SATL1: variants seen among roughly 807,000 people sequenced by gnomAD.
SATL1 encodes spermidine/spermine N(1)-acetyltransferase-like protein 1.
A neutral mutation model predicts 51.8 loss-of-function variants in SATL1; 47 were observed. The ratio of observed to expected loss-of-function variants is 0.91; its 90% CI spans 0.72 to 1.16. The LOEUF (loss-of-function observed/expected upper bound fraction) is 1.16, where lower values mean the gene tolerates loss of function less well. Among genes scored for constraint, SATL1 ranks in the 50% most tolerant of loss-of-function variants. The probability of loss-of-function intolerance (pLI) is 0.00; values close to 1 mark genes in which losing one functional copy is unlikely to be tolerated. For missense variants in SATL1, 520 were observed against 526.4 expected (o/e 0.99, Z 0.12); for synonymous variants, 176 against 182.4 (o/e 0.97, Z 0.28).
At position 85,118,996 on chromosome X, in the gene SATL1, A is replaced by G. The variant is rs189654873; in HGVS notation, c.-312-9716T>C. Among the ~76,000 whole-genome samples, 17 of 112,041 alleles carry G rather than the reference A, an allele frequency of 1.5e-4. No individual in the cohort carries two copies. In the East Asian group the frequency reaches 2.0e-3, roughly 13 times the overall value. On this transcript the variant is annotated intron_variant, in intron 2 of 7. Coordinates refer to ENST00000644105, the MANE Select transcript of SATL1 (RefSeq NM_001367857.2). Reference sequence around the variant, plus strand: ...ATTACATATAATATTTCAAAAAATTATTATCATTCAACAAATACTTATTAA... The same window carrying G: ...ATTACATATAATATTTCAAAAAATTGTTATCATTCAACAAATACTTATTAA...
At chrX:85,119,502 G>A (rs1373824563) in intron 2 of SATL1, among the ~76,000 whole-genome samples, 1 of 111,675 alleles carries the variant, frequency 9.0e-6, no homozygotes, top group Non-Finnish European at 1.9e-5. Context: ...TATTTGATGT[G>A]CATTTTAATT....
chrX:85,181,148 T>C (rs1927192033), intron 2 of SATL1, among the ~76,000 whole-genome samples: 1 of 105,280 alleles, frequency 9.5e-6, no homozygotes, highest in Non-Finnish European at 1.9e-5. Context: ...TATATACACA[T>C]ACTCATACAC....
At chrX:85,183,640 CT>C (rs780190084) in intron 2 of SATL1, among the ~76,000 whole-genome samples, 4 of 110,317 alleles carry the variant, frequency 3.6e-5, no homozygotes, top group Non-Finnish European at 5.7e-5. Context: ...TTTAGTTTTC[CT>C]TTTTTAAAAG....
intron 1 of SATL1, among the ~76,000 whole-genome samples, chrX:85,235,385 C>T (rs1928459387): frequency 9.0e-6 from 1 of 111,127 alleles, no homozygotes; most frequent in South Asian, 3.7e-4. Context: ...ACACTTCATC[C>T]AAAAGCTACA....
intron 4 of SATL1, among the ~76,000 whole-genome samples, chrX:85,098,986 G>A (rs2147683346): frequency 9.0e-6 from 1 of 111,157 alleles, no homozygotes; most frequent in East Asian, 2.8e-4. Context: ...AAAACATGGA[G>A]AAAATCAATG....
At chrX:85,100,908 C>T (rs1489046140) in intron 4 of SATL1, among the ~76,000 whole-genome samples, 4 of 112,002 alleles carry the variant, frequency 3.6e-5, no homozygotes, top group Non-Finnish European at 7.5e-5. Flanking sequence ...CCTCACATAT[C>T]TGACCCATTG....
intron 2 of SATL1, among the ~76,000 whole-genome samples, chrX:85,165,682 G>A (rs774306726): frequency 9.0e-6 from 1 of 111,631 alleles, no homozygotes; most frequent in South Asian, 3.8e-4. Flanking sequence ...GACTGTTTCA[G>A]TGGAAATATC....
At chrX:85,105,230 G>C (rs1214186831) in intron 3 of SATL1, among the ~76,000 whole-genome samples, 1 of 111,003 alleles carries the variant, frequency 9.0e-6, no homozygotes, top group African/African-American at 3.3e-5. Context: ...TTATTCTCAA[G>C]GCAACCAGAA....
intron 2 of SATL1, among the ~76,000 whole-genome samples, chrX:85,203,509 TG>T (rs749748392): frequency 9.0e-6 from 1 of 110,589 alleles, no homozygotes; most frequent in Non-Finnish European, 1.9e-5. Flanking sequence ...CCCCTCTCTC[TG>T]GGAGTACCAT....
chrX:85,137,101 A>G (rs914411012), intron 2 of SATL1, among the ~76,000 whole-genome samples: 2 of 111,478 alleles, frequency 1.8e-5, no homozygotes, highest in African/African-American at 3.3e-5. Context: ...GCTCAGGAAC[A>G]CATATGGAAG....
chrX:85,096,601 T>C (rs1318631071), intron 4 of SATL1, among the ~76,000 whole-genome samples: 1 of 111,700 alleles, frequency 9.0e-6, no homozygotes, highest in Non-Finnish European at 1.9e-5. Flanking sequence ...AGACACATTA[T>C]AATGAAAGTC....
chrX:85,157,068 A>T (rs987405816), intron 2 of SATL1, among the ~76,000 whole-genome samples: 2 of 107,858 alleles, frequency 1.9e-5, no homozygotes, highest in Non-Finnish European at 3.8e-5. Flanking sequence ...CGAACAAATC[A>T]TATGTAAAAC....
intron 2 of SATL1, chrX:85,143,503 G>A (rs1050968702): frequency 7.2e-5 from 8 of 111,251 alleles, no homozygotes; most frequent in South Asian, 3.8e-4. Context: ...TGTGAATAAC[G>A]TAAGAAAAAT....
Position 85,157,282 on chromosome X carries a change from TG to T in SATL1, c.-312-48003del, listed in dbSNP as rs202031618. Among the ~76,000 whole-genome samples, 741 of 110,620 alleles carry T rather than the reference TG, an allele frequency of 6.7e-3. 8 individuals carry two copies. The highest frequency in any genetic ancestry group is 0.024 in the African/African-American group (717 of 30,467). Reference sequence around the variant, plus strand: ...GGAGAGTGGCAAGATACTTTCTAGTTGAAGTCAAAAAAATTAAATATTGAAA... The same window carrying T: ...GGAGAGTGGCAAGATACTTTCTAGTTAAGTCAAAAAAATTAAATATTGAAA... On this transcript the variant is annotated intron_variant, in intron 2 of 7. Transcript: ENST00000644105.
At chrX:85,135,685 C>G (rs1036943689) in intron 2 of SATL1, among the ~76,000 whole-genome samples, 1 of 107,157 alleles carries the variant, frequency 9.3e-6, no homozygotes, top group Non-Finnish European at 1.9e-5. Context: ...GATCCTCCCC[C>G]CTCAACCCCC....
At chrX:85,171,560 T>G (rs16980153) in intron 2 of SATL1, among the ~76,000 whole-genome samples, 1 of 110,478 alleles carries the variant, frequency 9.1e-6, no homozygotes, top group African/African-American at 3.3e-5. Flanking sequence ...CAACCTGAAA[T>G]GAGAAGATAT....
intron 2 of SATL1, among the ~76,000 whole-genome samples, chrX:85,217,928 T>C (rs1928084400): frequency 8.9e-6 from 1 of 111,971 alleles, no homozygotes; most frequent in African/African-American, 3.2e-5. Context: ...GAACCATTCT[T>C]GTATGAATGG....
intron 2 of SATL1, among the ~76,000 whole-genome samples, chrX:85,131,013 A>G (rs938767416): frequency 8.9e-6 from 1 of 112,044 alleles, no homozygotes; most frequent in Non-Finnish European, 1.9e-5. Flanking sequence ...TCTGAGAGAC[A>G]GTTTGTTGTG....
chrX:85,127,956 C>T (rs914858553), intron 2 of SATL1, among the ~76,000 whole-genome samples: 5 of 106,692 alleles, frequency 4.7e-5, no homozygotes, highest in East Asian at 3.0e-4. Flanking sequence ...TCATCCATGG[C>T]GCTACAAAGG....
Sources: gnomAD v4.1 joint callset for allele counts (sites outside exome capture counted in the v4.1 genomes callset) on GRCh38, gnomAD v4.1.1 for gene constraint, MANE v1.5 for transcripts, NCBI Gene and HGNC (gene_info 2026-07-23, HGNC 2026-07-21) for gene names.